CCDC6: variants seen among roughly 807,000 people sequenced by gnomAD.
CCDC6 encodes the protein coiled-coil domain containing 6, also known as coiled-coil domain-containing protein 6.
Under a neutral mutation model 56.6 loss-of-function variants are expected in CCDC6, and 20 were observed. That is an observed-to-expected ratio of 0.35 (90% CI 0.25 to 0.51). CCDC6 has a LOEUF of 0.51. Among genes scored for constraint, CCDC6 ranks in the 20% least tolerant of loss-of-function variants. The probability of loss-of-function intolerance (pLI) is 0.95; values close to 1 mark genes in which losing one functional copy is unlikely to be tolerated. For missense variants in CCDC6, 367 were observed against 601.1 expected (o/e 0.61, Z 4.07); for synonymous variants, 241 against 234.4 (o/e 1.03, Z -0.26).
chr10:59,901,470 G>A (rs1197811971), intron 1 of CCDC6, among the ~76,000 whole-genome samples: 1 of 152,140 alleles, frequency 6.6e-6, no homozygotes, highest in African/African-American at 2.4e-5. Context: ...TTACACTGTT[G>A]ATGTTTAAAA....
intron 1 of CCDC6, among the ~76,000 whole-genome samples, chr10:59,885,923 C>CCCG (rs1265099741): frequency 6.9e-5 from 1 of 14,538 alleles, no homozygotes; most frequent in African/African-American, 2.0e-4. Context: ...CCGCCCCCCG[C>CCCG]CCCCCCAACT....
At chr10:59,794,061 GGA>G (rs2070492225) in intron 8 of CCDC6, among the ~76,000 whole-genome samples, 1 of 152,212 alleles carries the variant, frequency 6.6e-6, no homozygotes, top group South Asian at 2.1e-4. Flanking sequence ...TGTAATTCGA[GGA>G]GAGAAAATTC....
At chr10:59,824,881 T>C (rs1052381059) in intron 3 of CCDC6, among the ~76,000 whole-genome samples, 7 of 152,260 alleles carry the variant, frequency 4.6e-5, no homozygotes, top group Non-Finnish European at 1.0e-4. Flanking sequence ...CTGAAATTTG[T>C]ATTTATAACT....
At chr10:59,838,875 A>G (rs1386216140) in intron 2 of CCDC6, among the ~76,000 whole-genome samples, 1 of 152,148 alleles carries the variant, frequency 6.6e-6, no homozygotes, top group Non-Finnish European at 1.5e-5. Flanking sequence ...GATAGCATAA[A>G]AGACTTCCCC....
At chr10:59,830,760 AG>A (rs2070828453) in intron 3 of CCDC6, among the ~76,000 whole-genome samples, 1 of 152,220 alleles carries the variant, frequency 6.6e-6, no homozygotes, top group African/African-American at 2.4e-5. Flanking sequence ...ACTTTTTCCC[AG>A]GAACAATAGG....
intron 1 of CCDC6, among the ~76,000 whole-genome samples, chr10:59,876,946 A>G (rs1201423073): frequency 6.6e-6 from 1 of 152,160 alleles, no homozygotes; most frequent in Non-Finnish European, 1.5e-5. Context: ...ATAGCCTACT[A>G]CACACCTAGG....
chr10:59,868,431 C>T (rs1589055415), intron 1 of CCDC6, among the ~76,000 whole-genome samples: 1 of 152,288 alleles, frequency 6.6e-6, no homozygotes, highest in East Asian at 1.9e-4. Context: ...CAGCCCGCCG[C>T]CACTAGACCG....
At chr10:59,866,235 C>T (rs2071176055) in intron 1 of CCDC6, among the ~76,000 whole-genome samples, 1 of 152,232 alleles carries the variant, frequency 6.6e-6, no homozygotes, top group East Asian at 1.9e-4. Context: ...AAAGCAACAT[C>T]ATTAATCCAT....
intron 1 of CCDC6, among the ~76,000 whole-genome samples, chr10:59,852,925 A>G (rs979960006): frequency 6.6e-6 from 1 of 152,184 alleles, no homozygotes; most frequent in African/African-American, 2.4e-5. Flanking sequence ...CCCCTTTACT[A>G]TGTGTGGTCC....
intron 7 of CCDC6, among the ~76,000 whole-genome samples, chr10:59,801,607 T>C (rs755536378): frequency 1.8e-4 from 28 of 152,352 alleles, no homozygotes; most frequent in South Asian, 4.1e-4. Context: ...GGAGTAGAGT[T>C]ATTTCCATCT....
intron 2 of CCDC6, among the ~76,000 whole-genome samples, chr10:59,834,132 C>CT (rs1175867366): frequency 1.3e-5 from 2 of 152,150 alleles, no homozygotes; most frequent in Non-Finnish European, 2.9e-5. Flanking sequence ...GAGTGGACAA[C>CT]TGAGAGCTGA....
intron 7 of CCDC6, among the ~76,000 whole-genome samples, chr10:59,804,096 C>T (rs2070599216): frequency 6.6e-6 from 1 of 151,956 alleles, no homozygotes; most frequent in Admixed American, 6.6e-5. Context: ...GGAAATCTAC[C>T]TAAGGCTTTT....
intron 1 of CCDC6, among the ~76,000 whole-genome samples, chr10:59,858,530 G>A (rs1204288162): frequency 1.3e-5 from 2 of 152,174 alleles, no homozygotes; most frequent in Non-Finnish European, 2.9e-5. Context: ...GAATTCTTAA[G>A]TTACTAAATT....
intron 3 of CCDC6, among the ~76,000 whole-genome samples, chr10:59,827,325 C>T (rs1450812140): frequency 1.3e-5 from 2 of 152,058 alleles, no homozygotes; most frequent in Non-Finnish European, 2.9e-5. Context: ...ATGTAAGTAC[C>T]GTTTTATGAA....
intron 1 of CCDC6, among the ~76,000 whole-genome samples, chr10:59,869,110 C>A (rs1249752201): frequency 1.3e-5 from 2 of 151,898 alleles, no homozygotes; most frequent in Non-Finnish European, 1.5e-5. Context: ...CCAATGGGAG[C>A]CATAGGAAAG....
rs1249691623 is a variant in CCDC6 at position 59,792,115 on chromosome 10, C to T, written c.*802G>A. On this transcript the variant is annotated 3_prime_UTR_variant, in exon 9 of 9. Transcript: ENST00000263102. Reference sequence around the variant, plus strand: ...CTTCTGCAGCAGAAATCAAATAACACATTCTAATTAGCCATTGAAACCACC... The same window carrying T: ...CTTCTGCAGCAGAAATCAAATAACATATTCTAATTAGCCATTGAAACCACC... The T allele has an allele frequency of 1.3e-5, 3 of 230,804 alleles. No individual in the cohort carries two copies. Among genetic ancestry groups the T allele is most frequent in the Non-Finnish European group, 1.7e-5 (2 of 116,364 alleles). The allele number at this position is 230,804 out of a possible 1,614,324, so 14.3% of individuals were successfully genotyped here. A position where few individuals can be genotyped will look rare whatever the true frequency, so the allele number is the denominator to read the frequency against.
intron 1 of CCDC6, among the ~76,000 whole-genome samples, chr10:59,876,588 G>GA (rs1564754460): frequency 2.5e-5 from 3 of 120,722 alleles, no homozygotes; most frequent in African/African-American, 7.7e-5. Context: ...CTGTTAAGGG[G>GA]GAAAAAAAAA....
intron 3 of CCDC6, among the ~76,000 whole-genome samples, chr10:59,820,256 T>C (rs1170788402): frequency 6.6e-6 from 1 of 152,106 alleles, no homozygotes; most frequent in Non-Finnish European, 1.5e-5. Flanking sequence ...GTAAGGAACG[T>C]TTGGCAAAAA....
At position 59,870,713 on chromosome 10, in the gene CCDC6, A is replaced by G. The variant is rs552720297; in HGVS notation, c.304-18011T>C. Among the ~76,000 whole-genome samples the G allele has an allele frequency of 1.2e-4, 19 of 152,352 alleles. No homozygotes were observed. In the East Asian group the frequency reaches 3.7e-3, roughly 29 times the overall value. On this transcript the variant is annotated intron_variant, in intron 1 of 8. Coordinates refer to ENST00000263102, the MANE Select transcript of CCDC6 (RefSeq NM_005436.5). ...CAACTTTGGAGTCATAGCTTTTAAA[A>G]AGAAGCAGTTATCCATGCTGCTTCC...
Sources: allele counts gnomAD v4.1 joint callset (sites outside exome capture counted in the v4.1 genomes callset), GRCh38; gene constraint gnomAD v4.1.1; transcripts MANE v1.5; gene names NCBI Gene and HGNC (gene_info 2026-07-23, HGNC 2026-07-21).